The following SETBP1 variants were observed in gnomAD, a reference collection of about 807,000 sequenced individuals.
SETBP1 encodes SET binding protein 1.
A neutral mutation model predicts 101.0 loss-of-function variants in SETBP1; 9 were observed. The ratio of observed to expected loss-of-function variants is 0.09; its 90% CI spans 0.05 to 0.16. SETBP1 has a LOEUF of 0.16. SETBP1 is among the 10% of genes least tolerant of loss of function. SETBP1 has a pLI of 1.00. For synonymous variants in SETBP1, 818 were observed against 788.5 expected (o/e 1.04, Z -0.63); for missense variants, 1,858 against 2,033.8 (o/e 0.91, Z 1.66).
At chr18:44,954,343 A>T (rs1038683434) in intron 4 of SETBP1, among the ~76,000 whole-genome samples, 11 of 149,584 alleles carry the variant, frequency 7.4e-5, no homozygotes, top group Admixed American at 6.9e-5. Context: ...AAAAAAAAAA[A>T]AAAAAAAAAA....
rs147124768 is a variant in SETBP1 at position 44,863,729 on chromosome 18, G to A, written c.487-5501G>A. Among the ~76,000 whole-genome samples the A allele has an allele frequency of 1.9e-3, 294 of 152,236 alleles. 1 individual carries two copies. The highest frequency in any genetic ancestry group is 6.8e-3 in the Middle Eastern group (2 of 294). ...ATTTGAAAATGGGTCATTTGTTCTC[G>A]CCAAAGCCATCTTCACTCTGTCTCT... On this transcript the variant is annotated intron_variant, in intron 2 of 5. Transcript: ENST00000649279.
At chr18:45,055,244 G>A (rs73952950) in intron 5 of SETBP1, among the ~76,000 whole-genome samples, 2,137 of 152,188 alleles carry the variant, frequency 0.014, 57 homozygotes, top group African/African-American at 0.05. Context: ...GAAAAAGAAA[G>A]GACAACTTTA....
chr18:44,975,543 A>G (rs556300153), intron 4 of SETBP1, among the ~76,000 whole-genome samples: 7 of 152,326 alleles, frequency 4.6e-5, no homozygotes, highest in African/African-American at 1.4e-4. Context: ...GGACAGCTTG[A>G]TATCCTAAAA....
intron 3 of SETBP1, among the ~76,000 whole-genome samples, chr18:44,910,732 G>C (rs554896278): frequency 2.0e-5 from 3 of 152,094 alleles, no homozygotes; most frequent in Admixed American, 6.6e-5. Flanking sequence ...TTTTGTAAGC[G>C]TACATAAGAA....
At chr18:44,784,589 T>C (rs2071199108) in intron 2 of SETBP1, among the ~76,000 whole-genome samples, 1 of 152,228 alleles carries the variant, frequency 6.6e-6, no homozygotes, top group Non-Finnish European at 1.5e-5. Flanking sequence ...GTCATCTGAA[T>C]TGTGAATATT....
At chr18:44,732,749 C>T (rs1352728510) in intron 2 of SETBP1, 1 of 152,090 alleles carries the variant, frequency 6.6e-6, no homozygotes, top group African/African-American at 2.4e-5. Flanking sequence ...TTTTGGTCTC[C>T]AGGAAGAACC....
At chr18:44,961,120 A>G (rs1019586189) in intron 4 of SETBP1, among the ~76,000 whole-genome samples, 3 of 152,212 alleles carry the variant, frequency 2.0e-5, no homozygotes, top group Non-Finnish European at 1.5e-5. Flanking sequence ...GGAGAGAGTC[A>G]GAGGGAATGA....
At chr18:44,774,376 G>GGT (rs145493324) in intron 2 of SETBP1, among the ~76,000 whole-genome samples, 6 of 147,490 alleles carry the variant, frequency 4.1e-5, no homozygotes, top group South Asian at 2.2e-4. Context: ...TGTGTGTGTG[G>GGT]GTGTGTGTGT....
intron 2 of SETBP1, among the ~76,000 whole-genome samples, chr18:44,807,566 A>G (rs923802711): frequency 2.6e-5 from 4 of 152,156 alleles, no homozygotes; most frequent in African/African-American, 9.7e-5. Context: ...GAAACTCCCA[A>G]ATGGAAATGA....
At position 44,950,964 on chromosome 18, in the gene SETBP1, A is replaced by G; in HGVS notation, c.1624A>G (p.Met542Val). 6.2e-7 allele frequency: 1 copy of G among 1,614,052 alleles called. No individual in the cohort carries two copies. The highest frequency in any genetic ancestry group is 8.5e-7 in the Non-Finnish European group (1 of 1,180,032). ...WTCSKPKPST[M>V]LREAVMATSD... ...TTGCAGCAAACCAAAACCTAGCACC[A>G]TGCTTCGAGAGGCAGTTATGGCCAC... Residue 542 changes from methionine to valine, a missense_variant, in exon 4 of 6, where the codon ATG becomes GTG. Transcript: ENST00000649279.
chr18:44,723,508 A>G (rs1019456151), intron 2 of SETBP1, among the ~76,000 whole-genome samples: 2 of 151,290 alleles, frequency 1.3e-5, no homozygotes, highest in Non-Finnish European at 2.9e-5. Flanking sequence ...CGGCGGGGGG[A>G]AAAAAAACAA....
intron 3 of SETBP1, among the ~76,000 whole-genome samples, chr18:44,915,360 A>G (rs559770108): frequency 1.3e-5 from 2 of 152,308 alleles, no homozygotes; most frequent in South Asian, 4.1e-4. Flanking sequence ...TTGGCAGCAA[A>G]TGGAGGGTAC....
chr18:44,690,412 G>T (rs573918824), intron 1 of SETBP1, among the ~76,000 whole-genome samples: 2 of 152,334 alleles, frequency 1.3e-5, no homozygotes, highest in South Asian at 2.1e-4. Flanking sequence ...TAATCAGACG[G>T]TTGAGAAGTC....
chr18:44,949,106 A>T (rs774337994), intron 3 of SETBP1, among the ~76,000 whole-genome samples: 4 of 152,216 alleles, frequency 2.6e-5, no homozygotes, highest in African/African-American at 4.8e-5. Flanking sequence ...TTGCATGCTA[A>T]CCCCCAAACA....
intron 3 of SETBP1, among the ~76,000 whole-genome samples, chr18:44,938,899 T>G (rs1478844825): frequency 6.6e-6 from 1 of 152,044 alleles, no homozygotes; most frequent in Non-Finnish European, 1.5e-5. Flanking sequence ...CGGGCCGCCC[T>G]ATGTTTCACT....
chr18:44,743,893 C>T (rs2070157328), intron 2 of SETBP1, among the ~76,000 whole-genome samples: 1 of 152,210 alleles, frequency 6.6e-6, no homozygotes, highest in South Asian at 2.1e-4. Context: ...CTGAATGGCC[C>T]TCTAGCAGAA....
chr18:44,989,825 C>T (rs573561859), intron 4 of SETBP1, among the ~76,000 whole-genome samples: 5 of 131,530 alleles, frequency 3.8e-5, no homozygotes, highest in South Asian at 2.4e-4. Context: ...GCCGAGATCC[C>T]GCCACTGCAC....
Position 44,876,646 on chromosome 18 carries a change from G to T in SETBP1, c.540+7363G>T, listed in dbSNP as rs111691225. On this transcript the variant is annotated intron_variant, in intron 3 of 5. Transcript: ENST00000649279. ...ATTCAAAAAGCAATTCCTGTCCCAG[G>T]AACGTGCCATGTGCTTCTCATGCCC... 3 of 1,551,494 alleles carry T rather than the reference G, an allele frequency of 1.9e-6. No homozygotes were observed. The highest frequency in any genetic ancestry group is 2.6e-6 in the Non-Finnish European group (3 of 1,146,934).
At chr18:45,023,833 A>T (rs1313453368) in intron 4 of SETBP1, among the ~76,000 whole-genome samples, 3 of 152,172 alleles carry the variant, frequency 2.0e-5, no homozygotes, top group Non-Finnish European at 4.4e-5. Flanking sequence ...GCATTATCTC[A>T]TTTAATCCCT....
Sources: allele counts gnomAD v4.1 joint callset (sites outside exome capture counted in the v4.1 genomes callset), GRCh38; gene constraint gnomAD v4.1.1; transcripts MANE v1.5; gene names NCBI Gene and HGNC (gene_info 2026-07-23, HGNC 2026-07-21).